Variants in XIRP2 observed in about 807,000 individuals in gnomAD.
The protein encoded by XIRP2 is xin actin binding repeat containing 2, also known as xin actin-binding repeat-containing protein 2.
A neutral mutation model predicts 277.0 loss-of-function variants in XIRP2; 236 were observed. That is an observed-to-expected ratio of 0.85 (90% CI 0.77 to 0.95). The LOEUF is 0.95. Among genes scored for constraint, XIRP2 ranks in the 40% least tolerant of loss-of-function variants. The probability of loss-of-function intolerance (pLI) is 0.00; values close to 1 mark genes in which losing one functional copy is unlikely to be tolerated. For missense variants in XIRP2, 4,640 were observed against 4,157.5 expected (o/e 1.12, Z -3.19); for synonymous variants, 1,490 against 1,416.5 (o/e 1.05, Z -1.17).
intron 2 of XIRP2, among the ~76,000 whole-genome samples, chr2:166,915,299 C>CAAAAAA (rs993808427): frequency 0.02 from 723 of 35,818 alleles, no homozygotes; most frequent in Middle Eastern, 0.044. Context: ...GACTCCGTCT[C>CAAAAAA]AAAAAAAAAA....
chr2:167,014,564 T>A (rs566444800), intron 2 of XIRP2, among the ~76,000 whole-genome samples: 4 of 150,852 alleles, frequency 2.7e-5, no homozygotes, highest in African/African-American at 9.7e-5. Flanking sequence ...TACAAAGAAG[T>A]GGAGAATATA....
At chr2:167,069,272 T>C (rs1689378787) in intron 2 of XIRP2, among the ~76,000 whole-genome samples, 2 of 152,292 alleles carry the variant, frequency 1.3e-5, no homozygotes, top group African/African-American at 2.4e-5. Context: ...TTTCTGAATA[T>C]TTTTGATCTG....
chr2:167,098,042 C>T (rs943708548), intron 2 of XIRP2, among the ~76,000 whole-genome samples: 8 of 152,184 alleles, frequency 5.3e-5, no homozygotes, highest in South Asian at 2.1e-4. Context: ...TTGCTCTTCT[C>T]GAGGAGTATC....
At chr2:167,077,338 C>A (rs1013017301) in intron 2 of XIRP2, among the ~76,000 whole-genome samples, 2 of 151,808 alleles carry the variant, frequency 1.3e-5, no homozygotes, top group Non-Finnish European at 2.9e-5. Flanking sequence ...AATTGTAAGT[C>A]TTTCTTGGTG....
At chr2:166,933,069 C>A (rs1000139408) in intron 2 of XIRP2, among the ~76,000 whole-genome samples, 2 of 149,200 alleles carry the variant, frequency 1.3e-5, no homozygotes, top group African/African-American at 4.9e-5. Flanking sequence ...TGTTAATCTA[C>A]ACACACACAC....
At position 167,021,566 on chromosome 2, in the gene XIRP2, C is replaced by T. The variant is rs143700641; in HGVS notation, c.409-114343C>T. Among the ~76,000 whole-genome samples, 932 of 152,064 alleles carry T rather than the reference C, an allele frequency of 6.1e-3. 11 individuals are homozygous for T. The highest frequency in any genetic ancestry group is 0.021 in the African/African-American group (876 of 41,508). On this transcript the variant is annotated intron_variant, in intron 2 of 10. Transcript: ENST00000409195. ...TGGAAATTTTTCTTTAAAAGATTTA[C>T]AGCTATCTGCAGTGGCTGATGTCTG... is the stretch of plus-strand genomic sequence containing the variant.
chr2:167,011,619 A>G (rs1489758433), intron 2 of XIRP2, among the ~76,000 whole-genome samples: 2 of 151,484 alleles, frequency 1.3e-5, no homozygotes, highest in African/African-American at 2.4e-5. Context: ...CTCTTTTTCT[A>G]TTGATTGGAA....
intron 2 of XIRP2, among the ~76,000 whole-genome samples, chr2:167,132,076 G>C (rs1291740214): frequency 6.6e-6 from 1 of 151,906 alleles, no homozygotes; most frequent in East Asian, 1.9e-4. Context: ...TTTGAAAGTT[G>C]TATCTCCTAA....
chr2:167,251,201 C>T lies in XIRP2; in HGVS notation c.9809C>T (p.Thr3270Ile), dbSNP rs1173948848. The T allele has an allele frequency of 2.5e-6, 4 of 1,613,514 alleles. No individual in the cohort carries two copies. The highest frequency in any genetic ancestry group is 3.4e-6 in the Non-Finnish European group (4 of 1,179,720). The change falls in exon 9 of 11, where the codon ACT becomes ATT. Residue 3270 changes from threonine (T) to isoleucine (I), a missense_variant. By Grantham distance (89) the Thr-to-Ile change is moderately conservative. Coordinates refer to ENST00000409195, the MANE Select transcript of XIRP2 (RefSeq NM_152381.6). ...EEIRKVEKRA[T>I]YVHKDGLNST... is the part of the protein sequence containing the mutation. ...ATCAGGAAAGTGGAGAAGAGAGCTA[C>T]TTATGTTCATAAAGATGGACTAAAT...
chr2:166,987,144 A>T (rs1213381184), intron 2 of XIRP2, among the ~76,000 whole-genome samples: 1 of 152,166 alleles, frequency 6.6e-6, no homozygotes, highest in Non-Finnish European at 1.5e-5. Flanking sequence ...CTGAGGATTC[A>T]GAAGTTTTAG....
chr2:167,138,314 A>G (rs2105320736), intron 3 of XIRP2, among the ~76,000 whole-genome samples: 1 of 152,318 alleles, frequency 6.6e-6, no homozygotes. Context: ...GTGTGAATTG[A>G]TAACTCCATT....
intron 2 of XIRP2, among the ~76,000 whole-genome samples, chr2:166,950,182 G>A (rs1685990396): frequency 6.6e-6 from 1 of 151,976 alleles, no homozygotes; most frequent in Non-Finnish European, 1.5e-5. Flanking sequence ...AAATGCTAAA[G>A]GTAGCATTTG....
intron 3 of XIRP2, among the ~76,000 whole-genome samples, chr2:167,202,520 T>A (rs893748971): frequency 1.2e-4 from 18 of 151,710 alleles, no homozygotes; most frequent in African/African-American, 4.4e-4. Flanking sequence ...ACACTTAGAG[T>A]CTTATCAGGT....
rs75510415 is a variant in XIRP2 at position 167,211,484 on chromosome 2, A to C, written c.723+589A>C. ...TTTATCACACAGAGTCTTGGTGAGG[A>C]ATCAAAGAGACAATTTATGTGTAAG... On this transcript the variant is annotated intron_variant, in intron 4 of 10. Transcript: ENST00000409195. Among the ~76,000 whole-genome samples the C allele has an allele frequency of 1.7e-3, 255 of 152,348 alleles. 12 individuals carry two copies. In the East Asian group the frequency reaches 0.047, roughly 28 times the overall value.
chr2:166,909,632 A>G (rs1274542145), intron 2 of XIRP2, among the ~76,000 whole-genome samples: 2 of 152,118 alleles, frequency 1.3e-5, no homozygotes, highest in Non-Finnish European at 1.5e-5. Context: ...TGATTGCCCT[A>G]GCCAGAACTT....
rs544121242 is a variant in XIRP2, at chr2:167,048,698, T to C, written c.409-87211T>C. On this transcript the variant is annotated intron_variant, in intron 2 of 10. Coordinates refer to ENST00000409195, the MANE Select transcript of XIRP2 (RefSeq NM_152381.6). ...AAGGGGATTTCAAATTTCTCTTTCT[T>C]GGTGGATCCTGAAATCTAATTATTG... Among the ~76,000 whole-genome samples the C allele has an allele frequency of 5.8e-4, 88 of 152,010 alleles. 1 individual carries two copies. The highest frequency in any genetic ancestry group is 2.0e-3 in the African/African-American group (81 of 41,530).
Position 167,250,722 on chromosome 2 carries a change from T to C in XIRP2, c.9330T>C (p.Pro3110=). ...QEIKLDDSNI[P]PPSLKTRPPS... ...TTAAACTTGATGATAGCAACATTCC[T>C]CCTCCCTCTTTAAAAACACGCCCAC... The change falls in exon 9 of 11, where the codon CCT becomes CCC. Residue 3110 remains proline, a synonymous_variant. Transcript: ENST00000409195. The C allele has an allele frequency of 6.2e-7, 1 of 1,612,942 alleles. No individual in the cohort carries two copies.
intron 2 of XIRP2, among the ~76,000 whole-genome samples, chr2:167,032,162 C>A (rs1464625679): frequency 6.6e-6 from 1 of 152,070 alleles, no homozygotes; most frequent in East Asian, 1.9e-4. Context: ...CATCTACAAC[C>A]ATCTGATCTT....
chr2:166,912,669 A>C (rs754173201), intron 2 of XIRP2, among the ~76,000 whole-genome samples: 1 of 152,032 alleles, frequency 6.6e-6, no homozygotes, highest in Non-Finnish European at 1.5e-5. Flanking sequence ...ATTCCTTTGG[A>C]GGGGGAGAGG....
Sources: gnomAD v4.1 joint callset for allele counts (sites outside exome capture counted in the v4.1 genomes callset) on GRCh38, gnomAD v4.1.1 for gene constraint, MANE v1.5 for transcripts, NCBI Gene and HGNC (gene_info 2026-07-23, HGNC 2026-07-21) for gene names.